Variants in CNIH3 observed in about 807,000 individuals in gnomAD.
CNIH3 encodes the protein cornichon family AMPA receptor auxiliary protein 3.
In CNIH3, 14 loss-of-function variants were observed where a neutral mutation model predicts 24.1. That is an observed-to-expected ratio of 0.58 (90% CI 0.38 to 0.91). The LOEUF is 0.91. Among genes scored for constraint, CNIH3 ranks in the 40% least tolerant of loss-of-function variants. The pLI is 0.00. For synonymous variants in CNIH3, 68 were observed against 73.8 expected, an observed-to-expected ratio of 0.92 and a Z score of 0.40; for missense variants, 178 against 196.8, an observed-to-expected ratio of 0.90 and a Z score of 0.57.
At chr1:224,441,696 C>G (rs921979830) in intron 1 of CNIH3, among the ~76,000 whole-genome samples, 1 of 152,118 alleles carries the variant, frequency 6.6e-6, no homozygotes, top group Non-Finnish European at 1.5e-5. Context: ...AATAACTAGG[C>G]ATTTAAAACA....
At chr1:224,612,768 G>A (rs1453650552), upstream of CNIH3, among the ~76,000 whole-genome samples, 3 of 152,034 alleles carry the variant, frequency 2.0e-5, no homozygotes, top group Non-Finnish European at 4.4e-5. This position sits in a 1 kb window ranked among gnomAD's most constrained non-coding sequence, Gnocchi z 4.7. Context: ...GATAAGAAGC[G>A]AGGACTCCGT....
intron 1 of CNIH3, among the ~76,000 whole-genome samples, chr1:224,671,068 C>T (rs577651806): frequency 6.6e-6 from 1 of 152,348 alleles, no homozygotes; most frequent in East Asian, 1.9e-4. Flanking sequence ...GGACTTGAAC[C>T]ATGGCACTGG....
At chr1:224,717,543 T>A (rs1251035817) in intron 3 of CNIH3, 1 of 152,390 alleles carries the variant, frequency 6.6e-6, no homozygotes, top group Admixed American at 6.5e-5. Context: ...GCCTCCCTCC[T>A]CCTTTGACCC....
chr1:224,668,241 CT>C (rs1343779350), intron 1 of CNIH3, among the ~76,000 whole-genome samples: 1 of 152,170 alleles, frequency 6.6e-6, no homozygotes, highest in Non-Finnish European at 1.5e-5. Flanking sequence ...GTTGTTTTAA[CT>C]TTTAAGTAAT....
intron 3 of CNIH3, among the ~76,000 whole-genome samples, chr1:224,557,010 G>C (rs148097286): frequency 6.6e-6 from 1 of 152,136 alleles, no homozygotes; most frequent in Non-Finnish European, 1.5e-5. Context: ...TCTCAAACAG[G>C]CTTGAAGAGA....
intron 3 of CNIH3, among the ~76,000 whole-genome samples, chr1:224,607,840 T>A (rs1682498388): frequency 6.6e-6 from 1 of 152,176 alleles, no homozygotes; most frequent in South Asian, 2.1e-4. Flanking sequence ...TTGCCCTTCA[T>A]CCTTTGTGTG....
At chr1:224,731,829 G>C (rs1342903411) in intron 4 of CNIH3, among the ~76,000 whole-genome samples, 1 of 152,236 alleles carries the variant, frequency 6.6e-6, no homozygotes, top group Non-Finnish European at 1.5e-5. Flanking sequence ...CAAAGGCCCA[G>C]AGTTAAGAGA....
intron 1 of CNIH3, among the ~76,000 whole-genome samples, chr1:224,652,084 T>C (rs1684885531): frequency 6.6e-6 from 1 of 152,062 alleles, no homozygotes; most frequent in Non-Finnish European, 1.5e-5. Flanking sequence ...TTCATAACAT[T>C]ATTGACCTGT....
chr1:224,446,634 CTT>C (rs1349925660), intron 1 of CNIH3, among the ~76,000 whole-genome samples: 4 of 152,154 alleles, frequency 2.6e-5, no homozygotes, highest in Non-Finnish European at 4.4e-5. Context: ...ATTCTTTAGT[CTT>C]GAGTTAAGGA....
chr1:224,573,120 A>T (rs1680890918), intron 4 of CNIH3, among the ~76,000 whole-genome samples: 1 of 152,144 alleles, frequency 6.6e-6, no homozygotes, highest in Non-Finnish European at 1.5e-5. Context: ...TGTTCCCAGC[A>T]TCGTTTTGTA....
chr1:224,552,370 G>A (rs1572462126), intron 3 of CNIH3, among the ~76,000 whole-genome samples: 1 of 151,134 alleles, frequency 6.6e-6, no homozygotes, highest in Non-Finnish European at 1.5e-5. Flanking sequence ...CATTCCCTGT[G>A]ATATTAGGAG....
chr1:224,539,202 A>C (rs1679415608), downstream of CNIH3, among the ~76,000 whole-genome samples: 1 of 152,204 alleles, frequency 6.6e-6, no homozygotes. Context: ...GTATTTACTT[A>C]TCATGGCTAT....
chr1:224,664,892 C>A (rs935211952), intron 1 of CNIH3: 1 of 152,064 alleles, frequency 6.6e-6, no homozygotes, highest in Non-Finnish European at 1.5e-5. Flanking sequence ...GCACCACCTC[C>A]CCTGGCTATT....
intron 3 of CNIH3, among the ~76,000 whole-genome samples, chr1:224,720,791 T>C (rs1347338628): frequency 6.6e-6 from 1 of 152,126 alleles, no homozygotes; most frequent in African/African-American, 2.4e-5. Flanking sequence ...GCAGAAAGGA[T>C]TTCCAGTCGC....
rs978270897 is a variant in CNIH3, at chr1:224,458,039, T to A, written n.203+23177T>A. Among the ~76,000 whole-genome samples the A allele has an allele frequency of 6.6e-6, 1 of 152,310 alleles. No homozygotes were observed. The highest frequency in any genetic ancestry group is 2.1e-4 in the South Asian group (1 of 4,828). ...AAACAGAAATAGTGTATTACTGTAA[T>A]AATTATAGTGAAGTACTGCACTTGG... On this transcript the variant is annotated intron_variant and non_coding_transcript_variant, in intron 1 of 5. Transcript: ENST00000471578. This position sits in a 1 kb window ranked among gnomAD's most constrained non-coding sequence, Gnocchi z 4.3.
intron 3 of CNIH3, among the ~76,000 whole-genome samples, chr1:224,712,529 T>C (rs990524204): frequency 6.6e-6 from 1 of 152,186 alleles, no homozygotes; most frequent in African/African-American, 2.4e-5. Flanking sequence ...ATTTATTCAA[T>C]GAATGAATGA....
intron 1 of CNIH3, among the ~76,000 whole-genome samples, chr1:224,626,962 GTTGT>G (rs1436467479): frequency 6.6e-6 from 1 of 152,136 alleles, no homozygotes; most frequent in Non-Finnish European, 1.5e-5. Context: ...ACTTGTGTGG[GTTGT>G]TTGTTCTTCT....
chr1:224,621,777 C>T (rs1048755427), intron 1 of CNIH3, among the ~76,000 whole-genome samples: 10 of 152,322 alleles, frequency 6.6e-5, no homozygotes, highest in Non-Finnish European at 1.2e-4. Context: ...TCTGGCTTGA[C>T]GCATTTCCAG....
chr1:224,549,179 G>A (rs1199376275), intron 3 of CNIH3, among the ~76,000 whole-genome samples: 1 of 152,002 alleles, frequency 6.6e-6, no homozygotes, highest in East Asian at 1.9e-4. Flanking sequence ...TCAGAGCAAT[G>A]ATGCTTCATT....
Sources: gnomAD v4.1 joint callset for allele counts (sites outside exome capture counted in the v4.1 genomes callset) on GRCh38, gnomAD v4.1.1 for gene constraint, Gnocchi (gnomAD v3.1) non-coding constraint, MANE v1.5 for transcripts, NCBI Gene and HGNC (gene_info 2026-07-23, HGNC 2026-07-21) for gene names.